Variants in IFT81 observed in about 807,000 individuals in gnomAD.
IFT81 encodes intraflagellar transport 81.
IFT81 carries 72 observed loss-of-function variants against 102.6 expected under a neutral mutation model. That is an observed-to-expected ratio of 0.70 (90% CI 0.58 to 0.85). The LOEUF (loss-of-function observed/expected upper bound fraction) is 0.85, where lower values mean the gene tolerates loss of function less well. Among genes scored for constraint, IFT81 ranks in the 40% least tolerant of loss-of-function variants. IFT81 has a pLI of 0.00. For synonymous variants in IFT81, 237 were observed against 242.7 expected (o/e 0.98, Z 0.22); for missense variants, 723 against 787.3 (o/e 0.92, Z 0.98).
intron 5 of IFT81, among the ~76,000 whole-genome samples, chr12:110,133,468 A>C (rs1370050739): frequency 1.3e-5 from 2 of 151,598 alleles, no homozygotes; most frequent in South Asian, 4.2e-4. Flanking sequence ...AGAAAAAAAA[A>C]AAAAAACAAA....
intron 10 of IFT81, among the ~76,000 whole-genome samples, chr12:110,161,450 C>CT (rs749807297): frequency 4.0e-4 from 56 of 141,224 alleles, no homozygotes; most frequent in Non-Finnish European, 3.7e-4. Flanking sequence ...GCCTGACCCA[C>CT]TTTTTTTTTT....
intron 11 of IFT81, among the ~76,000 whole-genome samples, chr12:110,164,555 A>G (rs1412874073): frequency 1.3e-5 from 2 of 152,072 alleles, no homozygotes. Context: ...TATTGAATCC[A>G]TACTGTTACA....
At chr12:110,198,598 T>C (rs1898120522) in intron 14 of IFT81, among the ~76,000 whole-genome samples, 1 of 152,208 alleles carries the variant, frequency 6.6e-6, no homozygotes, top group South Asian at 2.1e-4. Context: ...AGAGATATGT[T>C]AGAGGTATTT....
intron 9 of IFT81, among the ~76,000 whole-genome samples, chr12:110,146,467 G>T (rs1895229925): frequency 6.6e-6 from 1 of 152,136 alleles, no homozygotes; most frequent in African/African-American, 2.4e-5. Context: ...GATAACTTCA[G>T]ATTTTTAGAA....
chr12:110,142,270 C>T (rs1440565154), intron 8 of IFT81, among the ~76,000 whole-genome samples: 2 of 152,048 alleles, frequency 1.3e-5, no homozygotes, highest in Admixed American at 6.6e-5. Flanking sequence ...CAGGTTCAAG[C>T]GATCCTTGTT....
intron 10 of IFT81, among the ~76,000 whole-genome samples, chr12:110,148,121 C>T (rs1252938589): frequency 1.3e-5 from 2 of 152,184 alleles, no homozygotes; most frequent in African/African-American, 4.8e-5. Flanking sequence ...CTCTTCCCAT[C>T]GATTTATCTA....
chr12:110,146,943 G>A lies in IFT81; in HGVS notation c.946-10G>A. On this transcript the variant is annotated splice_polypyrimidine_tract_variant and intron_variant, in intron 9 of 18. Transcript: ENST00000242591. Reference sequence around the variant, plus strand: ...TTTAACTTTTTTTTTTTGCTTTCATGCTATTTTAGATAAATGAAATAAACA... The same window carrying A: ...TTTAACTTTTTTTTTTTGCTTTCATACTATTTTAGATAAATGAAATAAACA... The A allele has an allele frequency of 6.3e-7, 1 of 1,576,060 alleles. No homozygotes were observed. Among genetic ancestry groups the A allele is most frequent in the South Asian group, 1.2e-5 (1 of 84,602 alleles).
chr12:110,142,359 G>A (rs1894944606), intron 8 of IFT81, among the ~76,000 whole-genome samples: 1 of 151,878 alleles, frequency 6.6e-6, no homozygotes, highest in African/African-American at 2.4e-5. Context: ...GTAGAGACAG[G>A]GTTTTGCCAT....
At chr12:110,128,912 A>C (rs752879841) in intron 3 of IFT81, 38 bp from the exon 4 acceptor site, 1 of 1,511,390 alleles carries the variant, frequency 6.6e-7, no homozygotes, top group Non-Finnish European at 9.1e-7. Context: ...TTTACCGTTA[A>C]GTGCGTGTGT....
At chr12:110,138,709 A>G (rs1196258834) in intron 8 of IFT81, among the ~76,000 whole-genome samples, 2 of 152,252 alleles carry the variant, frequency 1.3e-5, no homozygotes, top group Non-Finnish European at 2.9e-5. Context: ...TTAGGATTAT[A>G]GGCGTAAGCC....
intron 9 of IFT81, 107 bp from the exon 10 acceptor site, chr12:110,146,846 A>T: frequency 5.4e-6 from 6 of 1,119,588 alleles, no homozygotes; most frequent in East Asian, 3.5e-5. Context: ...CCTTGTCTTT[A>T]AAAAAAAAGA....
At chr12:110,215,450 CTTCTTTTTTTT>C (rs1869973593) in intron 18 of IFT81, among the ~76,000 whole-genome samples, 1 of 99,506 alleles carries the variant, frequency 1.0e-5, no homozygotes, top group African/African-American at 5.0e-5. Context: ...TCTTCTTCTT[CTTCTTTTTTTT>C]TTTTTTTTTT....
At chr12:110,135,299 A>G in intron 6 of IFT81, 28 bp from the exon 7 acceptor site, 1 of 1,420,034 alleles carries the variant, frequency 7.0e-7, no homozygotes, top group Non-Finnish European at 9.8e-7. Flanking sequence ...CCTGACAGTA[A>G]CATGTACTAC....
intron 11 of IFT81, among the ~76,000 whole-genome samples, chr12:110,174,696 T>C (rs541688637): frequency 1.1e-4 from 16 of 152,186 alleles, no homozygotes; most frequent in African/African-American, 3.9e-4. Flanking sequence ...TTATAAATGG[T>C]TACATTCTTA....
At chr12:110,204,423 A>G (rs886357890) in intron 15 of IFT81, 1 of 154,986 alleles carries the variant, frequency 6.5e-6, no homozygotes, top group African/African-American at 2.4e-5. Context: ...GCCACCCTTC[A>G]TTGGCTTCCT....
intron 11 of IFT81, among the ~76,000 whole-genome samples, chr12:110,179,765 T>C (rs1237645902): frequency 0.054 from 3,756 of 68,928 alleles, 285 homozygotes; most frequent in African/African-American, 0.16. Context: ...TATATATATA[T>C]ATATATATAC....
chr12:110,202,413 G>C (rs1052339788), intron 14 of IFT81, among the ~76,000 whole-genome samples: 4 of 150,672 alleles, frequency 2.7e-5, no homozygotes, highest in African/African-American at 9.8e-5. Flanking sequence ...CTGCCCCCTT[G>C]CAATAAAGAA....
chr12:110,205,504 G>T lies in IFT81; in HGVS notation c.1706G>T (p.Cys569Phe), dbSNP rs1868500036. Reference sequence around the variant, plus strand: ...GAAAGTAGATACCATTATACAAATTGTATGATTAAGGTAAGACAAAGTAGA... The same window carrying T: ...GAAAGTAGATACCATTATACAAATTTTATGATTAAGGTAAGACAAAGTAGA... Reference protein sequence around the residue: ...QEESRYHYTNCMIKNLEVQLR... With the variant: ...QEESRYHYTNFMIKNLEVQLR... The change falls in exon 16 of 19, where the codon TGT (cysteine) becomes TTT (phenylalanine). Residue 569 changes from cysteine (C) to phenylalanine (F), a missense_variant. Physicochemically the swap from Cys to Phe is radical, Grantham distance 205. Transcript: ENST00000242591. 1 of 1,603,968 alleles carries T rather than the reference G, an allele frequency of 6.2e-7. No individual in the cohort carries two copies. Among genetic ancestry groups the T allele is most frequent in the Middle Eastern group, 1.7e-4 (1 of 5,988 alleles).
intron 5 of IFT81, among the ~76,000 whole-genome samples, chr12:110,134,040 A>G (rs11065129): frequency 0.5 from 75,470 of 151,810 alleles, 20,960 homozygotes; most frequent in African/African-American, 0.75. Flanking sequence ...TCACTCTGTC[A>G]CCCAGGGTGG....
Sources: gnomAD v4.1 joint callset for allele counts (sites outside exome capture counted in the v4.1 genomes callset) on GRCh38, gnomAD v4.1.1 for gene constraint, MANE v1.5 for transcripts, NCBI Gene and HGNC (gene_info 2026-07-23, HGNC 2026-07-21) for gene names.